NOS1: variants seen among roughly 807,000 people sequenced by gnomAD.
NOS1 encodes NOS type I.
A neutral mutation model predicts 164.5 loss-of-function variants in NOS1; 51 were observed. The observed-to-expected ratio is 0.31, with a 90% CI of 0.25 to 0.39. The LOEUF (loss-of-function observed/expected upper bound fraction) is 0.39. Among genes scored for constraint, NOS1 ranks in the 10% least tolerant of loss-of-function variants. The pLI is 1.00. For missense variants in NOS1, 1,362 were observed against 1,885.6 expected, an observed-to-expected ratio of 0.72 and a Z score of 5.14; for synonymous variants, 719 against 745.8, an observed-to-expected ratio of 0.96 and a Z score of 0.59.
At chr12:117,221,379 C>T (rs1192327103) in intron 26 of NOS1, among the ~76,000 whole-genome samples, 1 of 151,566 alleles carries the variant, frequency 6.6e-6, no homozygotes, top group African/African-American at 2.4e-5. Context: ...AAACTCCTGG[C>T]CTCAAGTGAT....
Position 117,222,695 on chromosome 12 carries a change from G to T in NOS1, c.3975+20C>A, listed in dbSNP as rs778682552. ...GCATGTGTGTTGGGCTGGGCTAGGG[G>T]GTGGGCTGCTGGGGGTTACCTTTGG... is the stretch of plus-strand genomic sequence containing the variant. On this transcript the variant is annotated intron_variant, in intron 26 of 28. Transcript: ENST00000317775. 1.9e-5 allele frequency: 30 copies of T among 1,612,460 alleles called. No individual in the cohort carries two copies. Among genetic ancestry groups the T allele is most frequent in the Middle Eastern group, 1.7e-4 (1 of 5,750 alleles).
Position 117,213,773 on chromosome 12 carries a change from T to C in NOS1, c.*1536A>G. 1 of 985,378 alleles carries C rather than the reference T, an allele frequency of 1.0e-6. No homozygotes were observed. Among genetic ancestry groups the C allele is most frequent in the East Asian group, 1.1e-4 (1 of 8,796 alleles). The allele number at this position is 985,378 out of a possible 1,614,324, so 61.0% of individuals were successfully genotyped here. A position where few individuals can be genotyped will look rare whatever the true frequency, so the allele number is the denominator to read the frequency against. ...CTTTCCATCCTTGGGGACCCTGCAG[T>C]CTGGGAGGCCACTAGGATTTCTTGT... On this transcript the variant is annotated 3_prime_UTR_variant, in exon 29 of 29. Transcript: ENST00000317775.
At chr12:117,276,416 G>T (rs1873184242) in intron 9 of NOS1, among the ~76,000 whole-genome samples, 1 of 152,158 alleles carries the variant, frequency 6.6e-6, no homozygotes, top group South Asian at 2.1e-4. Flanking sequence ...CCAAGTAGCT[G>T]GGATTACAGG....
intron 9 of NOS1, among the ~76,000 whole-genome samples, chr12:117,275,231 G>A (rs915381453): frequency 6.6e-6 from 1 of 151,512 alleles, no homozygotes; most frequent in Non-Finnish European, 1.5e-5. Flanking sequence ...GTCTGGTGTG[G>A]ATCAAGTTCA....
rs776193523 is a variant in NOS1 at position 117,265,307 on chromosome 12, G to T, written c.2136+9C>A. The stretch of plus-strand genomic sequence containing the variant: ...CTTAATATGAAAAGAGGCAGGGACA[G>T]GGAAGGACCTGGTATTCGAAGGAGG... On this transcript the variant is annotated intron_variant, in intron 12 of 28. Transcript: ENST00000317775. The T allele has an allele frequency of 8.5e-6, 13 of 1,536,220 alleles. No homozygotes were observed. The highest frequency in any genetic ancestry group is 1.1e-5 in the Non-Finnish European group (13 of 1,136,118).
chr12:117,217,099 G>C (rs1241493454), intron 28 of NOS1, among the ~76,000 whole-genome samples: 1 of 152,184 alleles, frequency 6.6e-6, no homozygotes. Context: ...CATGAGACCC[G>C]GGCACAGTCT....
chr12:117,247,779 T>C (rs9658462), intron 17 of NOS1, among the ~76,000 whole-genome samples: 4,713 of 152,046 alleles, frequency 0.031, 208 homozygotes, highest in African/African-American at 0.1. Context: ...ACCCCGTCTC[T>C]ACTAAAAGTA....
rs1007946890 is a variant in NOS1, at chr12:117,331,144, T to C, written c.-75A>G. The stretch of plus-strand genomic sequence containing the variant: ...GGCCAAGATGATTTCACCAGGAGGA[T>C]CCAGGCTTCAGGCTACACGGAGAGC... On this transcript the variant is annotated 5_prime_UTR_variant, in exon 2 of 29. Transcript: ENST00000317775. The C allele has an allele frequency of 1.3e-6, 2 of 1,533,216 alleles. No individual in the cohort carries two copies. The highest frequency in any genetic ancestry group is 1.4e-5 in the African/African-American group (1 of 72,964). 95.0% of individuals were successfully genotyped at this position (1,533,216 alleles called of 1,614,324 possible).
intron 25 of NOS1, among the ~76,000 whole-genome samples, chr12:117,223,224 C>G (rs570458593): frequency 6.6e-6 from 1 of 152,166 alleles, no homozygotes; most frequent in South Asian, 2.1e-4. Flanking sequence ...AGCTAGACGG[C>G]CTGGTTGAAA....
rs143847851 is a variant in NOS1, at chr12:117,325,694, G to A, written c.725+4651C>T. On this transcript the variant is annotated intron_variant, in intron 2 of 28. Coordinates refer to ENST00000317775, the MANE Select transcript of NOS1 (RefSeq NM_000620.5). ...TTAAGGAAAAATTGATTTACCCATC[G>A]TTTTATCAGGAGTCATTCACTATTT... 5.9e-5 allele frequency among the ~76,000 whole-genome samples: 9 copies of A among 152,280 alleles called. No homozygotes were observed. In the East Asian group the frequency reaches 1.2e-3, roughly 20 times the overall value.
At chr12:117,258,739 C>A (rs1226556097) in intron 15 of NOS1, among the ~76,000 whole-genome samples, 1 of 152,210 alleles carries the variant, frequency 6.6e-6, no homozygotes, top group Admixed American at 6.5e-5. Flanking sequence ...TGTTCCTCAT[C>A]TACATCAGGG....
intron 3 of NOS1, among the ~76,000 whole-genome samples, 187 bp downstream of exon 3, chr12:117,311,279 A>G (rs1874417776): frequency 6.6e-6 from 1 of 151,988 alleles, no homozygotes; most frequent in Non-Finnish European, 1.5e-5. Context: ...CCACACAAAA[A>G]CAAAGTCGAG....
intron 20 of NOS1, among the ~76,000 whole-genome samples, chr12:117,241,611 A>G (rs1241215254): frequency 6.6e-6 from 1 of 152,060 alleles, no homozygotes; most frequent in Non-Finnish European, 1.5e-5. Context: ...AAAAGATTCC[A>G]TTCAACAGGG....
intron 3 of NOS1, among the ~76,000 whole-genome samples, chr12:117,311,059 T>C (rs1289998022): frequency 6.6e-6 from 1 of 152,004 alleles, no homozygotes; most frequent in Non-Finnish European, 1.5e-5. Context: ...AGAGATGGGG[T>C]TTCACCATGT....
At chr12:117,328,199 C>T (rs1875349563) in intron 2 of NOS1, among the ~76,000 whole-genome samples, 1 of 152,122 alleles carries the variant, frequency 6.6e-6, no homozygotes, top group African/African-American at 2.4e-5. Context: ...GAGATGGAGT[C>T]TCACTCTGTG....
At position 117,208,609 on chromosome 12, in the gene NOS1, G is replaced by T; in HGVS notation, c.*6700C>A. The T allele has an allele frequency of 1.7e-6, 2 of 1,177,992 alleles. No homozygotes were observed. Among genetic ancestry groups the T allele is most frequent in the Non-Finnish European group, 2.1e-6 (2 of 934,806 alleles). 73.0% of individuals were successfully genotyped at this position (1,177,992 alleles called of 1,614,324 possible). A position where few individuals can be genotyped will look rare whatever the true frequency, so the allele number is the denominator to read the frequency against. On this transcript the variant is annotated 3_prime_UTR_variant, in exon 29 of 29. Transcript: ENST00000317775. ...AGTGGCGGCAGAGCACAGGACATGGGAGGGGACTGAGACCCAGCTCAAGAG... is the reference window on the plus strand; with the variant it reads ...AGTGGCGGCAGAGCACAGGACATGGTAGGGGACTGAGACCCAGCTCAAGAG...
In NOS1 at chr12:117,208,484, C is replaced by T. The variant is rs1038236637; in HGVS notation, c.*6825G>A. On this transcript the variant is annotated 3_prime_UTR_variant, in exon 29 of 29. Coordinates refer to ENST00000317775, the MANE Select transcript of NOS1 (RefSeq NM_000620.5). ...CCCAAGCCCGGAACGGACACTGCGA[C>T]GTGGGGTGCCCGGCACCGCTCTTTG... is the stretch of plus-strand genomic sequence containing the variant. The T allele has an allele frequency of 1.1e-4, 138 of 1,262,662 alleles. No individual in the cohort carries two copies. The highest frequency in any genetic ancestry group is 1.3e-4 in the Non-Finnish European group (128 of 972,816). 78.2% of individuals were successfully genotyped at this position (1,262,662 alleles called of 1,614,324 possible).
At chr12:117,285,952 T>G (rs1195853029) in intron 6 of NOS1, 152 bp downstream of exon 6, 1 of 788,406 alleles carries the variant, frequency 1.3e-6, no homozygotes, top group Non-Finnish European at 2.0e-6. Flanking sequence ...GCTGTGATCT[T>G]GGAATGTGGG....
intron 3 of NOS1, among the ~76,000 whole-genome samples, chr12:117,291,173 C>T (rs899421163): frequency 2.0e-5 from 3 of 152,084 alleles, no homozygotes; most frequent in Admixed American, 1.3e-4. Flanking sequence ...AAGATTGCAC[C>T]ACTGCACTCC....
Sources: allele counts gnomAD v4.1 joint callset (sites outside exome capture counted in the v4.1 genomes callset), GRCh38; gene constraint gnomAD v4.1.1; transcripts MANE v1.5; gene names NCBI Gene and HGNC (gene_info 2026-07-23, HGNC 2026-07-21).